Variants in ASPH observed in about 807,000 individuals in gnomAD.
The protein encoded by ASPH is aspartate beta-hydroxylase, also known as aspartyl/asparaginyl beta-hydroxylase.
In ASPH, 100 loss-of-function variants were observed where a neutral mutation model predicts 118.4. That is an observed-to-expected ratio of 0.84 (90% CI 0.72 to 1.00). ASPH has a LOEUF of 1.00. Ranked by LOEUF, ASPH falls within the 50% of genes least tolerant of loss-of-function variation. The pLI, the probability that ASPH is intolerant of heterozygous loss-of-function variation, is 0.00. For synonymous variants in ASPH, 315 were observed against 325.6 expected (o/e 0.97, Z 0.35); for missense variants, 920 against 919.5 (o/e 1.00, Z -0.01).
At chr8:61,626,239 C>T (rs1168167281) in intron 13 of ASPH, 1 of 1,542,948 alleles carries the variant, frequency 6.5e-7, no homozygotes, top group Non-Finnish European at 8.7e-7. Flanking sequence ...TAGGCTGGTC[C>T]TCCTGTGGTG....
At chr8:61,531,972 CTATAG>C (rs1817737466) in intron 21 of ASPH, among the ~76,000 whole-genome samples, 1 of 152,148 alleles carries the variant, frequency 6.6e-6, no homozygotes, top group Admixed American at 6.5e-5. Context: ...CATATCTTGA[CTATAG>C]TAAATAATGC....
chr8:61,663,613 C>T (rs889825504), intron 3 of ASPH: 21 of 985,352 alleles, frequency 2.1e-5, no homozygotes, highest in Middle Eastern at 5.2e-4. Flanking sequence ...GTAGAATTCC[C>T]TTTTTGGTTT....
At chr8:61,659,184 C>G (rs1815424672) in intron 3 of ASPH, 1 of 152,292 alleles carries the variant, frequency 6.6e-6, no homozygotes, top group African/African-American at 2.4e-5. Context: ...TCTCTCTCAG[C>G]CCCTTGCTTA....
intron 1 of ASPH, among the ~76,000 whole-genome samples, chr8:61,709,633 T>C (rs1231353107): frequency 6.6e-6 from 1 of 152,204 alleles, no homozygotes; most frequent in Non-Finnish European, 1.5e-5. Flanking sequence ...TAAAGAGAAG[T>C]TCATTTGAAA....
chr8:61,633,682 C>T lies in ASPH; in HGVS notation c.934+1G>A, dbSNP rs1856567999. 6.3e-7 allele frequency: 1 copy of T among 1,596,340 alleles called. No individual in the cohort carries two copies. Among genetic ancestry groups the T allele is most frequent in the African/African-American group, 1.3e-5 (1 of 74,204 alleles). On this transcript the variant is annotated splice_donor_variant, in intron 13 of 24. Transcript: ENST00000379454. LOFTEE classifies it high-confidence loss of function. The stretch of plus-strand genomic sequence containing the variant: ...AAAATACAACATACAAAATGTCATA[C>T]CTGGTGGTACTTCCTGCTGTTCTTC...
At position 61,684,138 on chromosome 8, in the gene ASPH, T is replaced by C. The variant is rs1248380221; in HGVS notation, c.154A>G (p.Thr52Ala). 10 of 1,613,466 alleles carry C rather than the reference T, an allele frequency of 6.2e-6. No individual in the cohort carries two copies. Among genetic ancestry groups the C allele is most frequent in the Admixed American group, 3.3e-5 (2 of 59,936 alleles). Residue 52 changes from threonine to alanine, a missense_variant, in exon 2 of 25, where the codon ACT becomes GCT. Thr to Ala is a moderately conservative substitution (Grantham distance 58). Transcript: ENST00000379454. ...ACCATAAACCACGTGAAGAATGAAGTTCCTGAGAGTCCGCCTTTCCTCCCA... is the reference window on the plus strand; with the variant it reads ...ACCATAAACCACGTGAAGAATGAAGCTCCTGAGAGTCCGCCTTTCCTCCCA... The part of the protein sequence containing the change: ...KNGRKGGLSG[T>A]SFFTWFMVIA...
intron 1 of ASPH, among the ~76,000 whole-genome samples, chr8:61,692,629 A>T (rs1832888103): frequency 1.3e-5 from 2 of 152,170 alleles, no homozygotes; most frequent in Admixed American, 6.5e-5. Flanking sequence ...CTCATGAGTC[A>T]GCACTGAATA....
intron 22 of ASPH, among the ~76,000 whole-genome samples, chr8:61,521,118 CT>C (rs911768786): frequency 3.3e-5 from 5 of 152,142 alleles, no homozygotes; most frequent in African/African-American, 9.7e-5. Flanking sequence ...ATGAGAGTGC[CT>C]CATTTGATGT....
At chr8:61,662,405 T>C (rs1817368933) in intron 3 of ASPH, among the ~76,000 whole-genome samples, 1 of 152,186 alleles carries the variant, frequency 6.6e-6, no homozygotes, top group Non-Finnish European at 1.5e-5. Context: ...CTACCTAGTA[T>C]TGTGAATTTT....
rs928035231 is a variant in ASPH at position 61,500,798 on chromosome 8, A to G, written c.*2561T>C. The G allele has an allele frequency of 6.6e-6, 1 of 152,224 alleles. No homozygotes were observed. The highest frequency in any genetic ancestry group is 1.5e-5 in the Non-Finnish European group (1 of 68,038). 9.4% of individuals were successfully genotyped at this position (152,224 alleles called of 1,614,324 possible). A position where few individuals can be genotyped will look rare whatever the true frequency, so the allele number is the denominator to read the frequency against. ...AAGTCAAACAAAAATATTTTAGTTA[A>G]TAATGGGCAGTAAAATATGATTTTA... On this transcript the variant is annotated 3_prime_UTR_variant, in exon 25 of 25. Coordinates refer to ENST00000379454, the MANE Select transcript of ASPH (RefSeq NM_004318.4).
In ASPH at chr8:61,714,362, G is replaced by A. The variant is rs1156856315; in HGVS notation, c.10C>T (p.Arg4Cys). 6.6e-7 allele frequency: 1 copy of A among 1,517,286 alleles called. No homozygotes were observed. 94.0% of individuals were successfully genotyped at this position (1,517,286 alleles called of 1,614,324 possible). A position where few individuals can be genotyped will look rare whatever the true frequency, so the allele number is the denominator to read the frequency against. MAQ[R>C]KNAKSSGNSS... ...TTGCCGCTGCTCTTGGCATTCTTAC[G>A]CTGGGCCATTGCACGGTCCGCGGGG... Residue 4 changes from arginine (R) to cysteine (C), a missense_variant, in exon 1 of 25, where the codon CGT (arginine) becomes TGT (cysteine). Physicochemically the swap from Arg to Cys is radical, Grantham distance 180. Transcript: ENST00000379454.
At chr8:61,593,855 C>T (rs1404273753) in intron 14 of ASPH, among the ~76,000 whole-genome samples, 1 of 152,176 alleles carries the variant, frequency 6.6e-6, no homozygotes, top group Non-Finnish European at 1.5e-5. Context: ...CCCACGCACA[C>T]GTTCCATGAG....
At chr8:61,622,299 C>T (rs577862851) in intron 13 of ASPH, among the ~76,000 whole-genome samples, 3 of 152,196 alleles carry the variant, frequency 2.0e-5, no homozygotes, top group Non-Finnish European at 4.4e-5. Context: ...GATTGCACCA[C>T]TGCACTCCAG....
At chr8:61,624,686 TAACCACAGCATAATG>T in intron 13 of ASPH, 1 of 985,532 alleles carries the variant, frequency 1.0e-6, no homozygotes, top group Non-Finnish European at 1.2e-6. Context: ...TATTTAAAGT[TAACCACAGCATAATG>T]AATCCTCAAC....
intron 17 of ASPH, among the ~76,000 whole-genome samples, chr8:61,564,621 T>A (rs769249538): frequency 6.6e-6 from 1 of 152,222 alleles, no homozygotes; most frequent in Non-Finnish European, 1.5e-5. Context: ...TCTGCGTCCA[T>A]GGCGAGTGCC....
intron 9 of ASPH, 105 bp from the exon 10 acceptor site, chr8:61,643,025 A>C: frequency 2.0e-6 from 2 of 1,011,168 alleles, no homozygotes; most frequent in Non-Finnish European, 1.4e-6. Flanking sequence ...ACAGAACTCT[A>C]CTCCTTCAAA....
intron 1 of ASPH, among the ~76,000 whole-genome samples, chr8:61,699,229 C>A (rs918442396): frequency 2.0e-5 from 3 of 152,244 alleles, no homozygotes; most frequent in Admixed American, 1.3e-4. Flanking sequence ...GATGCCCTAA[C>A]AGCGGCCTTC....
intron 13 of ASPH, 77 bp downstream of exon 13, chr8:61,633,606 T>A: frequency 8.0e-7 from 1 of 1,254,182 alleles, no homozygotes; most frequent in Non-Finnish European, 1.1e-6. Context: ...CGTAGATTCA[T>A]TATAAAGCTA....
At chr8:61,579,111 G>T in intron 15 of ASPH, 2 of 1,610,700 alleles carry the variant, frequency 1.2e-6, no homozygotes, top group Non-Finnish European at 8.5e-7. Context: ...GAAGCACGGG[G>T]ATGACCTGTG....
Sources: gnomAD v4.1 joint callset for allele counts (sites outside exome capture counted in the v4.1 genomes callset) on GRCh38, gnomAD v4.1.1 for gene constraint, MANE v1.5 for transcripts, NCBI Gene and HGNC (gene_info 2026-07-23, HGNC 2026-07-21) for gene names.